The following RAD51B variants were observed in gnomAD, a reference collection of about 807,000 sequenced individuals.
RAD51B encodes DNA repair protein RAD51 homolog 2.
In RAD51B, 38 loss-of-function variants were observed where a neutral mutation model predicts 42.2. The observed-to-expected ratio is 0.90, with a 90% CI of 0.70 to 1.18. The LOEUF (loss-of-function observed/expected upper bound fraction) is 1.18, where lower values mean the gene tolerates loss of function less well. RAD51B is among the 50% of genes most tolerant of loss of function. RAD51B has a pLI of 0.00. For synonymous variants in RAD51B, 154 were observed against 145.2 expected, an observed-to-expected ratio of 1.06 and a Z score of -0.43; for missense variants, 373 against 400.7, an observed-to-expected ratio of 0.93 and a Z score of 0.59.
intron 10 of RAD51B, among the ~76,000 whole-genome samples, chr14:68,586,256 T>C (rs765768200): frequency 1.3e-5 from 2 of 152,198 alleles, no homozygotes; most frequent in Non-Finnish European, 1.5e-5. Flanking sequence ...CCGATGGACC[T>C]GTAGCAACTC....
rs150550890 is a variant in RAD51B at position 68,584,458 on chromosome 14, TTCTC to T, written c.1037-10023_1037-10020del. Among the ~76,000 whole-genome samples, 1,282 of 152,254 alleles carry T rather than the reference TTCTC, an allele frequency of 8.4e-3. 21 individuals are homozygous for T. Among genetic ancestry groups the T allele is most frequent in the African/African-American group, 0.028 (1,145 of 41,530 alleles). ...ATTACAATCGAGCAAGCCTCTTTGC[TTCTC>T]TCTAACGCTCATGCTCCCATAGCAT... is the stretch of plus-strand genomic sequence containing the variant. On this transcript the variant is annotated intron_variant, in intron 10 of 10. Coordinates refer to the RAD51B transcript ENST00000487270.
intron 7 of RAD51B, among the ~76,000 whole-genome samples, chr14:68,132,942 C>A (rs994206927): frequency 2.0e-5 from 3 of 152,202 alleles, no homozygotes; most frequent in Non-Finnish European, 4.4e-5. Flanking sequence ...GGCCAAGGGG[C>A]AGGACCCCTA....
At chr14:68,528,975 G>T (rs1887105783) in intron 10 of RAD51B, among the ~76,000 whole-genome samples, 1 of 152,160 alleles carries the variant, frequency 6.6e-6, no homozygotes, top group Admixed American at 6.5e-5. Context: ...CAACTCCAAG[G>T]AATTCACAAC....
intron 10 of RAD51B, among the ~76,000 whole-genome samples, chr14:68,619,625 G>A (rs763642684): frequency 7.2e-5 from 11 of 152,132 alleles, no homozygotes; most frequent in Non-Finnish European, 1.5e-4. Context: ...GGAAACCAAA[G>A]GTATGGTGGA....
chr14:68,669,510 C>T (rs1566968400), intron 11 of RAD51B, among the ~76,000 whole-genome samples: 1 of 152,126 alleles, frequency 6.6e-6, no homozygotes. Context: ...TGAACCATGG[C>T]TTTGGGAAGA....
At chr14:68,216,514 C>T (rs1236531802) in intron 7 of RAD51B, among the ~76,000 whole-genome samples, 1 of 152,034 alleles carries the variant, frequency 6.6e-6, no homozygotes, top group Non-Finnish European at 1.5e-5. Flanking sequence ...AAGAGTGTAG[C>T]AAATCAAATA....
At position 68,154,467 on chromosome 14, in the gene RAD51B, C is replaced by T. The variant is rs143474673; in HGVS notation, c.757-137417C>T. 9.6e-3 allele frequency among the ~76,000 whole-genome samples: 1,458 copies of T among 152,282 alleles called. 11 individuals are homozygous for T. The highest frequency in any genetic ancestry group is 0.022 in the African/African-American group (908 of 41,550). ...CCTCTCAGAGCATTCTTTCTCTAGCCTCAGGCAGTTTCCTTACATGCATGC... is the reference window on the plus strand; with the variant it reads ...CCTCTCAGAGCATTCTTTCTCTAGCTTCAGGCAGTTTCCTTACATGCATGC... On this transcript the variant is annotated intron_variant, in intron 7 of 10. Coordinates refer to ENST00000471583, the MANE Select transcript of RAD51B (RefSeq NM_133510.4).
intron 8 of RAD51B, among the ~76,000 whole-genome samples, chr14:68,358,103 CA>C (rs2082945703): frequency 6.6e-6 from 1 of 152,126 alleles, no homozygotes; most frequent in Admixed American, 6.6e-5. Context: ...TGCTGTCTTA[CA>C]GAGGTGTGGT....
chr14:68,297,002 T>A (rs1255539838), intron 8 of RAD51B, among the ~76,000 whole-genome samples: 9 of 152,170 alleles, frequency 5.9e-5, no homozygotes, highest in African/African-American at 2.2e-4. Flanking sequence ...CTGGTTGGAG[T>A]CAGGGGAATT....
intron 9 of RAD51B, among the ~76,000 whole-genome samples, chr14:68,458,648 C>A (rs907168470): frequency 6.6e-6 from 1 of 150,616 alleles, no homozygotes; most frequent in South Asian, 2.1e-4. Context: ...CTAAGAGACT[C>A]TTCCCAGAGA....
intron 8 of RAD51B, among the ~76,000 whole-genome samples, chr14:68,318,809 G>A (rs1398419589): frequency 6.6e-6 from 1 of 152,092 alleles, no homozygotes; most frequent in Non-Finnish European, 1.5e-5. Context: ...TTCATCTGGG[G>A]GAAGATAATT....
At chr14:67,820,382 G>A (rs985113386) in intron 1 of RAD51B, among the ~76,000 whole-genome samples, 1 of 152,026 alleles carries the variant, frequency 6.6e-6, no homozygotes, top group African/African-American at 2.4e-5. Context: ...CACGTAATAA[G>A]GGCTCAATAA....
intron 10 of RAD51B, among the ~76,000 whole-genome samples, chr14:68,509,643 T>C (rs1310914714): frequency 1.3e-5 from 2 of 152,214 alleles, no homozygotes; most frequent in Non-Finnish European, 2.9e-5. Flanking sequence ...TTAACAGGCT[T>C]GTAAGTGGAA....
chr14:68,168,752 A>C (rs931752896), intron 7 of RAD51B, among the ~76,000 whole-genome samples: 1 of 152,336 alleles, frequency 6.6e-6, no homozygotes, highest in African/African-American at 2.4e-5. Flanking sequence ...CCTATTTTGT[A>C]TACTTTTCAA....
chr14:68,486,549 C>A (rs892370051), intron 10 of RAD51B, among the ~76,000 whole-genome samples: 4 of 152,198 alleles, frequency 2.6e-5, no homozygotes, highest in Non-Finnish European at 4.4e-5. Flanking sequence ...AGTTAATCAA[C>A]AACGACCTAT....
At chr14:68,361,138 C>T (rs2083016157) in intron 8 of RAD51B, among the ~76,000 whole-genome samples, 1 of 152,088 alleles carries the variant, frequency 6.6e-6, no homozygotes, top group Non-Finnish European at 1.5e-5. Context: ...ACAAGGAGGG[C>T]AGGAGAAGGT....
chr14:68,237,735 T>C (rs1451355958), intron 7 of RAD51B, among the ~76,000 whole-genome samples: 7 of 131,656 alleles, frequency 5.3e-5, no homozygotes, highest in East Asian at 4.0e-4. Context: ...CATTTCTCTT[T>C]TTTTTTTTTT....
chr14:68,007,092 A>G (rs760470665), intron 7 of RAD51B, among the ~76,000 whole-genome samples: 5 of 152,100 alleles, frequency 3.3e-5, no homozygotes, highest in Non-Finnish European at 7.4e-5. Flanking sequence ...GTATTCGTCT[A>G]TTCTGGACCT....
At chr14:68,557,442 A>G (rs770743148) in intron 10 of RAD51B, among the ~76,000 whole-genome samples, 4 of 152,244 alleles carry the variant, frequency 2.6e-5, no homozygotes, top group African/African-American at 4.8e-5. Flanking sequence ...ACACCATCAT[A>G]AAGTCAAGGA....
Sources: gnomAD v4.1 joint callset for allele counts (sites outside exome capture counted in the v4.1 genomes callset) on GRCh38, gnomAD v4.1.1 for gene constraint, MANE v1.5 for transcripts, NCBI Gene and HGNC (gene_info 2026-07-23, HGNC 2026-07-21) for gene names.